Variants in SLC24A3 observed in about 807,000 individuals in gnomAD.
SLC24A3 encodes the protein sodium/potassium/calcium exchanger 3.
In SLC24A3, 28 loss-of-function variants were observed where a neutral mutation model predicts 75.8. The ratio of observed to expected loss-of-function variants is 0.37; its 90% confidence interval spans 0.27 to 0.51. The LOEUF (loss-of-function observed/expected upper bound fraction) is 0.51. Among genes scored for constraint, SLC24A3 ranks in the 20% least tolerant of loss-of-function variants. SLC24A3 has a pLI of 0.94. For synonymous variants in SLC24A3, 372 were observed against 334.1 expected, an observed-to-expected ratio of 1.11 and a Z score of -1.24; for missense variants, 663 against 847.8, an observed-to-expected ratio of 0.78 and a Z score of 2.71.
intron 2 of SLC24A3, among the ~76,000 whole-genome samples, chr20:19,315,518 T>C (rs943435201): frequency 6.6e-6 from 1 of 152,040 alleles, no homozygotes; most frequent in Non-Finnish European, 1.5e-5. Flanking sequence ...CTAAGTGGGT[T>C]ATATGGCTGG....
At chr20:19,591,904 GA>G (rs2031383674) in intron 6 of SLC24A3, among the ~76,000 whole-genome samples, 1 of 152,194 alleles carries the variant, frequency 6.6e-6, no homozygotes, top group African/African-American at 2.4e-5. Flanking sequence ...GAACACAAGG[GA>G]AAAACTGCAC....
chr20:19,351,344 A>C (rs1350799116), intron 2 of SLC24A3, among the ~76,000 whole-genome samples: 1 of 152,142 alleles, frequency 6.6e-6, no homozygotes, highest in Non-Finnish European at 1.5e-5. Context: ...CCTTCACATC[A>C]TCAGCAGACA....
intron 2 of SLC24A3, among the ~76,000 whole-genome samples, chr20:19,395,493 C>T (rs1324279560): frequency 6.6e-6 from 1 of 152,186 alleles, no homozygotes; most frequent in Non-Finnish European, 1.5e-5. Context: ...TGCATACACA[C>T]ATACCAACAC....
intron 2 of SLC24A3, among the ~76,000 whole-genome samples, chr20:19,359,729 C>T (rs1198927674): frequency 1.3e-5 from 2 of 152,140 alleles, no homozygotes; most frequent in Middle Eastern, 3.2e-3. Context: ...GGTGTTCTGG[C>T]TCTGCTTTCT....
At chr20:19,490,732 C>T (rs1307169606) in intron 2 of SLC24A3, among the ~76,000 whole-genome samples, 1 of 152,284 alleles carries the variant, frequency 6.6e-6, no homozygotes, top group South Asian at 2.1e-4. Flanking sequence ...TGTGGGATTT[C>T]ATGTGCTCTT....
intron 6 of SLC24A3, among the ~76,000 whole-genome samples, chr20:19,614,571 A>C (rs2031712109): frequency 6.6e-6 from 1 of 152,196 alleles, no homozygotes; most frequent in Non-Finnish European, 1.5e-5. Context: ...CACTTAGCAC[A>C]TGTTATTCTG....
At chr20:19,464,222 C>G (rs1214868516) in intron 2 of SLC24A3, among the ~76,000 whole-genome samples, 1 of 152,218 alleles carries the variant, frequency 6.6e-6, no homozygotes, top group South Asian at 2.1e-4. Context: ...GTGTCTGGCT[C>G]AGCCACTCCT....
At chr20:19,592,809 T>TG (rs1157325838) in intron 6 of SLC24A3, among the ~76,000 whole-genome samples, 9 of 149,616 alleles carry the variant, frequency 6.0e-5, no homozygotes, top group Non-Finnish European at 1.0e-4. Context: ...TTTTTTTTTT[T>TG]TTTTGAGATA....
Position 19,556,589 on chromosome 20 carries a change from A to G in SLC24A3, c.349-23411A>G, listed in dbSNP as rs2030788631. On this transcript the variant is annotated intron_variant, in intron 3 of 16. Coordinates refer to ENST00000328041, the MANE Select transcript of SLC24A3 (RefSeq NM_020689.4). ...TGGCCAGTGTGTGAAAAAAAAAAAA[A>G]AAAAAGAAAAGGCAATTTTAGCTTG... 2.0e-5 allele frequency among the ~76,000 whole-genome samples: 3 copies of G among 151,866 alleles called. No homozygotes were observed. In the South Asian group the frequency reaches 6.2e-4, roughly 31 times the overall value.
At chr20:19,292,888 C>A (rs942134242) in intron 2 of SLC24A3, among the ~76,000 whole-genome samples, 1 of 152,192 alleles carries the variant, frequency 6.6e-6, no homozygotes, top group African/African-American at 2.4e-5. Context: ...ATGGTTAGCG[C>A]CTTCTTACTC....
At chr20:19,243,953 C>T (rs1311564471) in intron 1 of SLC24A3, 1 of 152,172 alleles carries the variant, frequency 6.6e-6, no homozygotes, top group African/African-American at 2.4e-5. Context: ...TGGAGGTTTC[C>T]ACCTGAATGT....
chr20:19,409,311 GC>G (rs1189833259), intron 2 of SLC24A3, among the ~76,000 whole-genome samples: 1 of 152,206 alleles, frequency 6.6e-6, no homozygotes, highest in Non-Finnish European at 1.5e-5. Context: ...GGAAACAGCT[GC>G]AGGGATAGTG....
At chr20:19,349,985 G>A (rs1010732307) in intron 2 of SLC24A3, among the ~76,000 whole-genome samples, 1 of 152,182 alleles carries the variant, frequency 6.6e-6, no homozygotes, top group Non-Finnish European at 1.5e-5. Context: ...TAAATGGCGT[G>A]TCCAACCAGG....
At chr20:19,443,089 G>A (rs180719704) in intron 2 of SLC24A3, among the ~76,000 whole-genome samples, 1 of 152,190 alleles carries the variant, frequency 6.6e-6, no homozygotes, top group African/African-American at 2.4e-5. Flanking sequence ...GATTACCATA[G>A]CCTTGTAAGA....
At chr20:19,485,961 C>G (rs1449074336) in intron 2 of SLC24A3, among the ~76,000 whole-genome samples, 1 of 152,194 alleles carries the variant, frequency 6.6e-6, no homozygotes, top group Non-Finnish European at 1.5e-5. Context: ...TTGGAGGAGG[C>G]CATCAGTGGG....
chr20:19,624,688 T>C (rs6075546), intron 6 of SLC24A3, among the ~76,000 whole-genome samples: 65,947 of 151,652 alleles, frequency 0.43, 17,239 homozygotes, highest in African/African-American at 0.75. Context: ...TCACATTCTA[T>C]ACTTTACAGG....
intron 1 of SLC24A3, among the ~76,000 whole-genome samples, chr20:19,271,938 A>G (rs370861454): frequency 3.3e-5 from 5 of 152,352 alleles, no homozygotes; most frequent in East Asian, 3.9e-4. Context: ...AATCTTATCC[A>G]TGTAACCAAA....
intron 2 of SLC24A3, among the ~76,000 whole-genome samples, chr20:19,393,885 A>G (rs1248219435): frequency 6.6e-6 from 1 of 152,232 alleles, no homozygotes; most frequent in Non-Finnish European, 1.5e-5. Flanking sequence ...TAGAATCTTA[A>G]GGGACCCCAA....
At chr20:19,699,056 A>C (rs1354477105) in intron 15 of SLC24A3, among the ~76,000 whole-genome samples, 5 of 152,230 alleles carry the variant, frequency 3.3e-5, no homozygotes, top group African/African-American at 1.2e-4. Context: ...TTTGAATTTT[A>C]TATCATTTTT....
Sources: allele counts gnomAD v4.1 joint callset (sites outside exome capture counted in the v4.1 genomes callset), GRCh38; gene constraint gnomAD v4.1.1; transcripts MANE v1.5; gene names NCBI Gene and HGNC (gene_info 2026-07-23, HGNC 2026-07-21).